Variants in SLAMF9 observed in about 807,000 individuals in gnomAD.
SLAMF9 encodes CD2 family member 10.
SLAMF9 carries 25 observed loss-of-function variants against 30.4 expected under a neutral mutation model. That is an observed-to-expected ratio of 0.82 (90% CI 0.60 to 1.15). SLAMF9 has a LOEUF of 1.15. SLAMF9 is among the 50% of genes most tolerant of loss of function. The probability of loss-of-function intolerance (pLI) is 0.00; values close to 1 mark genes in which losing one functional copy is unlikely to be tolerated. For synonymous variants in SLAMF9, 129 were observed against 127.2 expected, an observed-to-expected ratio of 1.01 and a Z score of -0.09; for missense variants, 344 against 346.1, an observed-to-expected ratio of 0.99 and a Z score of 0.05.
chr1:159,952,310 TG>T lies in SLAMF9; in HGVS notation c.615del (p.Ile206SerfsTer43). On this transcript the variant is annotated frameshift_variant, in exon 3 of 4. Coordinates refer to ENST00000368093, the MANE Select transcript of SLAMF9 (RefSeq NM_033438.4). LOFTEE classifies it high-confidence loss of function. ...ATGGGGCAAGAACTGACGTTGCTGA[TG>T]GGGTTGTTGGCTCTGCAGGTGTAGG... ...ALSYTCRANN[P>X]ISNVSSCPIP... The T allele has an allele frequency of 6.2e-7, 1 of 1,614,042 alleles. No individual in the cohort carries two copies. Among genetic ancestry groups the T allele is most frequent in the South Asian group, 1.1e-5 (1 of 91,070 alleles).
chr1:159,956,992 G>A (rs1273494873), upstream of SLAMF9, among the ~76,000 whole-genome samples: 1 of 151,732 alleles, frequency 6.6e-6, no homozygotes, highest in Non-Finnish European at 1.5e-5. Context: ...CGTGGTGGCG[G>A]GTGCCTGTAG....
the SLAMF9 span, among the ~76,000 whole-genome samples, chr1:159,968,216 TATA>T: frequency 6.6e-6 from 1 of 152,232 alleles, no homozygotes; most frequent in African/African-American, 2.4e-5. Flanking sequence ...CTCCATTGAG[TATA>T]ATATCAGCTG....
chr1:159,952,358 T>C lies in SLAMF9; in HGVS notation c.568A>G (p.Arg190Gly), dbSNP rs772545964. ...TAGGAGAGGGCACTGTCCCCCGGCC[T>C]CCAGGATGTGCTGAGGACAGGGCCT... The part of the protein sequence containing the change: ...HEGPVLSTSW[R>G]PGDSALSYTC... The change falls in exon 3 of 4, where the codon AGG becomes GGG. Residue 190 changes from arginine to glycine, a missense_variant. Physicochemically the swap from Arg to Gly is moderately radical, Grantham distance 125. Coordinates refer to ENST00000368093, the MANE Select transcript of SLAMF9 (RefSeq NM_033438.4). The C allele has an allele frequency of 3.7e-6, 6 of 1,614,080 alleles. No individual in the cohort carries two copies. In the South Asian group the frequency reaches 6.6e-5, roughly 18 times the overall value.
chr1:159,983,643 T>A, the SLAMF9 span: 1 of 152,268 alleles, frequency 6.6e-6, no homozygotes, highest in Non-Finnish European at 1.5e-5. Flanking sequence ...AGGTCAAGCT[T>A]AGGCTGAAAG....
At chr1:159,965,423 G>C in the SLAMF9 span, 1 of 152,186 alleles carries the variant, frequency 6.6e-6, no homozygotes, top group Admixed American at 6.5e-5. Flanking sequence ...AGGCTGCCTA[G>C]GGAACATGGT....
chr1:159,954,072 G>C lies in SLAMF9; in HGVS notation c.46+20C>G, dbSNP rs1179778338. 38 of 1,613,702 alleles carry C rather than the reference G, an allele frequency of 2.4e-5. No homozygotes were observed. Among genetic ancestry groups the C allele is most frequent in the Non-Finnish European group, 3.1e-5 (36 of 1,179,938 alleles). ...AGGTGTAGGGGACATTCCTGTGCAC[G>C]AGCTGGCAGCTTCACTCACCCTCCT... On this transcript the variant is annotated intron_variant, in intron 1 of 3. Coordinates refer to ENST00000368093, the MANE Select transcript of SLAMF9 (RefSeq NM_033438.4).
chr1:159,972,282 G>A, the SLAMF9 span, among the ~76,000 whole-genome samples: 1 of 152,238 alleles, frequency 6.6e-6, no homozygotes, highest in African/African-American at 2.4e-5. Flanking sequence ...TAGGCCAAGA[G>A]CCAGAAGGCA....
chr1:159,973,896 G>T, the SLAMF9 span: 42 of 1,612,472 alleles, frequency 2.6e-5, no homozygotes, highest in Non-Finnish European at 3.5e-5. Flanking sequence ...GCTCTGCATT[G>T]TTGCTCCTCT....
the SLAMF9 span, among the ~76,000 whole-genome samples, chr1:159,964,492 C>T: frequency 6.6e-6 from 1 of 152,170 alleles, no homozygotes; most frequent in African/African-American, 2.4e-5. Flanking sequence ...TCTTTTCACA[C>T]AGGGAGTTCT....
chr1:159,980,308 C>T, the SLAMF9 span, among the ~76,000 whole-genome samples: 1 of 152,140 alleles, frequency 6.6e-6, no homozygotes, highest in Non-Finnish European at 1.5e-5. Flanking sequence ...GACCCCTCTT[C>T]CCAGCCTCTT....
At chr1:159,968,857 C>T in the SLAMF9 span, among the ~76,000 whole-genome samples, 2 of 152,084 alleles carry the variant, frequency 1.3e-5, no homozygotes, top group African/African-American at 4.8e-5. Context: ...TCGAAACCAG[C>T]CTGGCCAACA....
the SLAMF9 span, chr1:159,973,800 T>TGGAC: frequency 6.2e-7 from 1 of 1,613,716 alleles, no homozygotes. Flanking sequence ...TGACTTACCT[T>TGGAC]GGACTTGAAC....
At chr1:159,969,194 G>A in the SLAMF9 span, among the ~76,000 whole-genome samples, 1 of 150,516 alleles carries the variant, frequency 6.6e-6, no homozygotes, top group South Asian at 2.1e-4. Flanking sequence ...GTGGAGAGAA[G>A]TTTTCTATGA....
chr1:159,969,206 G>A, the SLAMF9 span, among the ~76,000 whole-genome samples: 1 of 149,796 alleles, frequency 6.7e-6, no homozygotes, highest in Non-Finnish European at 1.5e-5. Flanking sequence ...TTTCTATGAT[G>A]GACAATTTCT....
chr1:159,958,948 A>G (rs973179138), upstream of SLAMF9, among the ~76,000 whole-genome samples: 2 of 152,208 alleles, frequency 1.3e-5, no homozygotes, highest in African/African-American at 4.8e-5. Flanking sequence ...TTCCTGTGCC[A>G]TGTAATATTC....
the SLAMF9 span, chr1:159,973,811 C>G: frequency 6.2e-7 from 1 of 1,613,802 alleles, no homozygotes; most frequent in Non-Finnish European, 8.5e-7. Context: ...GGACTTGAAC[C>G]ATGGCAGTCT....
the SLAMF9 span, chr1:159,973,936 A>G: frequency 1.7e-4 from 267 of 1,612,028 alleles, 4 homozygotes; most frequent in African/African-American, 3.1e-3. Flanking sequence ...TCCTTAGAGA[A>G]ATGAAGGAAT....
At chr1:159,953,118 C>T (rs961662724) in intron 2 of SLAMF9, among the ~76,000 whole-genome samples, 191 bp downstream of exon 2, 9 of 152,200 alleles carry the variant, frequency 5.9e-5, no homozygotes, top group African/African-American at 2.2e-4. Flanking sequence ...CAGGTCACTC[C>T]GCCTGTTGCT....
chr1:159,973,278 T>C, the SLAMF9 span: 4 of 711,904 alleles, frequency 5.6e-6, no homozygotes, highest in South Asian at 1.8e-5. Context: ...AGGTGGGAAC[T>C]GCTCTGGGGA....
Sources: allele counts gnomAD v4.1 joint callset (sites outside exome capture counted in the v4.1 genomes callset), GRCh38; gene constraint gnomAD v4.1.1; transcripts MANE v1.5; gene names NCBI Gene and HGNC (gene_info 2026-07-23, HGNC 2026-07-21).